Variants in TRABD2B observed in about 807,000 individuals in gnomAD.
TRABD2B encodes metalloprotease TIKI2.
Under a neutral mutation model 40.1 loss-of-function variants are expected in TRABD2B, and 14 were observed. That is an observed-to-expected ratio of 0.35 (90% CI 0.23 to 0.55). The LOEUF (loss-of-function observed/expected upper bound fraction) is 0.55, where lower values mean the gene tolerates loss of function less well. TRABD2B is among the 20% of genes least tolerant of loss of function. The pLI is 0.90. For synonymous variants in TRABD2B, 263 were observed against 277.0 expected (o/e 0.95, Z 0.50); for missense variants, 541 against 648.6 (o/e 0.83, Z 1.80).
intron 2 of TRABD2B, among the ~76,000 whole-genome samples, chr1:47,875,674 C>CAAAAA (rs10541556): frequency 5.9e-4 from 45 of 75,926 alleles, no homozygotes; most frequent in African/African-American, 1.9e-3. Flanking sequence ...AACCCTGTCT[C>CAAAAA]AAAAAAAAAA....
Position 47,978,847 on chromosome 1 carries a change from G to A in TRABD2B, c.666+15187C>T, listed in dbSNP as rs975855786. Among the ~76,000 whole-genome samples the A allele has an allele frequency of 5.3e-5, 8 of 152,274 alleles. No homozygotes were observed. The Middle Eastern group carries it at 0.014, about 259-fold the overall frequency. Reference sequence around the variant, plus strand: ...TTCATTTATATTGTGTGAGGATCACGGAATGACCAGCAAACAGAAGCTCTG... The same window carrying A: ...TTCATTTATATTGTGTGAGGATCACAGAATGACCAGCAAACAGAAGCTCTG... On this transcript the variant is annotated intron_variant, in intron 2 of 6. Coordinates refer to ENST00000606738, the MANE Select transcript of TRABD2B (RefSeq NM_001194986.2).
chr1:47,894,152 G>C (rs1178297369), intron 2 of TRABD2B, among the ~76,000 whole-genome samples: 1 of 152,156 alleles, frequency 6.6e-6, no homozygotes, highest in Non-Finnish European at 1.5e-5. Context: ...GTGTGGGTGG[G>C]GGTGTTGCGG....
Position 47,966,730 on chromosome 1 carries a change from C to T in TRABD2B, c.666+27304G>A, listed in dbSNP as rs919537828. 1.6e-4 allele frequency among the ~76,000 whole-genome samples: 25 copies of T among 152,020 alleles called. No individual in the cohort carries two copies. In the South Asian group the frequency reaches 1.9e-3, roughly 11 times the overall value. ...GACCACCCTGGCCAACATGGTGAAA[C>T]CCCATCTCTACTGAAAATATAAAAA... On this transcript the variant is annotated intron_variant, in intron 2 of 6. Coordinates refer to ENST00000606738, the MANE Select transcript of TRABD2B (RefSeq NM_001194986.2).
chr1:47,943,975 A>T (rs1645224289), intron 2 of TRABD2B, among the ~76,000 whole-genome samples: 1 of 152,242 alleles, frequency 6.6e-6, no homozygotes, highest in South Asian at 2.1e-4. Flanking sequence ...TCTGAGATTC[A>T]GCCAGACACT....
Position 47,879,558 on chromosome 1 carries a change from C to T in TRABD2B, c.667-77939G>A, listed in dbSNP as rs140133118. ...GGTACAACTATGAAATCATCTAACG[C>T]GTATGCGTGTCATTAAGTCATGCAT... On this transcript the variant is annotated intron_variant, in intron 2 of 6. Coordinates refer to ENST00000606738, the MANE Select transcript of TRABD2B (RefSeq NM_001194986.2). Among the ~76,000 whole-genome samples the T allele has an allele frequency of 7.4e-4, 112 of 152,298 alleles. 1 individual carries two copies. Among genetic ancestry groups the T allele is most frequent in the African/African-American group, 2.5e-3 (102 of 41,548 alleles).
At chr1:47,810,584 A>G (rs940610339) in intron 2 of TRABD2B, among the ~76,000 whole-genome samples, 9 of 152,228 alleles carry the variant, frequency 5.9e-5, no homozygotes, top group African/African-American at 1.7e-4. Flanking sequence ...TGTGTTAGGC[A>G]GGGACCCAAC....
chr1:47,832,305 C>A (rs1645261177), intron 2 of TRABD2B, among the ~76,000 whole-genome samples: 1 of 151,966 alleles, frequency 6.6e-6, no homozygotes, highest in Non-Finnish European at 1.5e-5. Context: ...TGCACTCCAG[C>A]CTGGGCAACA....
intron 2 of TRABD2B, among the ~76,000 whole-genome samples, chr1:47,978,775 C>T (rs1434636047): frequency 5.3e-5 from 8 of 152,190 alleles, no homozygotes; most frequent in Admixed American, 1.3e-4. Context: ...GTCCTCGCTC[C>T]TCCCCGGTGC....
chr1:47,794,682 C>G lies in TRABD2B; in HGVS notation c.892G>C (p.Glu298Gln). ...AQEIDSYFRQ[E>Q]LIYKRNERMG... ...CGCTCATTCCTCTTGTAGATGAGCT[C>G]CTGGCGGAAGTAGCTGTCAATCTCC... The change falls in exon 4 of 7, where the codon GAG becomes CAG. Residue 298 changes from glutamate to glutamine, a missense_variant. By Grantham distance (29) the Glu-to-Gln change is conservative. Transcript: ENST00000606738. 3 of 1,536,566 alleles carry G rather than the reference C, an allele frequency of 2.0e-6. No individual in the cohort carries two copies. The highest frequency in any genetic ancestry group is 1.4e-5 in the African/African-American group (1 of 73,140).
intron 2 of TRABD2B, among the ~76,000 whole-genome samples, chr1:47,828,960 T>C (rs2124441320): frequency 1.3e-5 from 2 of 152,306 alleles, no homozygotes; most frequent in Middle Eastern, 3.4e-3. Context: ...TGCGTCTGCA[T>C]CGGCCAATGC....
In TRABD2B at chr1:47,990,820, TATATATATATATATAA is replaced by T. The variant is rs1645998631; in HGVS notation, c.666+3198_666+3213del. ...ATATATATATATATATATATATATA[TATATATATATATATAA>T]AACGTTGGTTTTAGTGTTGAGGCTG... On this transcript the variant is annotated intron_variant, in intron 2 of 6. Coordinates refer to ENST00000606738, the MANE Select transcript of TRABD2B (RefSeq NM_001194986.2). Among the ~76,000 whole-genome samples the T allele has an allele frequency of 1.0e-4, 8 of 77,898 alleles. 1 individual carries two copies. Among genetic ancestry groups the T allele is most frequent in the Admixed American group, 7.8e-4 (5 of 6,416 alleles). The allele number at this position is 77,898 out of a possible 152,430, so 51.1% of individuals were successfully genotyped here. A position where few individuals can be genotyped will look rare whatever the true frequency, so the allele number is the denominator to read the frequency against.
Position 47,994,321 on chromosome 1 carries a change from A to T in TRABD2B, c.379T>A (p.Tyr127Asn). 6.5e-7 allele frequency: 1 copy of T among 1,536,296 alleles called. No homozygotes were observed. Among genetic ancestry groups the T allele is most frequent in the Non-Finnish European group, 8.7e-7 (1 of 1,146,944 alleles). The change falls in exon 2 of 7, where the codon TAC becomes AAC. Residue 127 changes from tyrosine (Y) to asparagine (N), a missense_variant. Transcript: ENST00000606738. The surrounding 1 kb of genome is among the most constrained non-coding windows in gnomAD (Gnocchi z 6.7). ...CAGGAGGGCATCATCAACTTCACGT[A>T]GTCCAGGTGGCGCTTCAAGCGCCAG... ...LYWRLKRHLDYVKLMMPSWMT... is the reference protein window; with the variant it reads ...LYWRLKRHLDNVKLMMPSWMT...
chr1:47,769,559 C>G (rs1644352263), intron 6 of TRABD2B, among the ~76,000 whole-genome samples: 1 of 152,232 alleles, frequency 6.6e-6, no homozygotes, highest in South Asian at 2.1e-4. Flanking sequence ...CAGCCCACCT[C>G]CTGGGCCTGA....
At chr1:47,978,550 C>G (rs1414149504) in intron 2 of TRABD2B, among the ~76,000 whole-genome samples, 1 of 152,100 alleles carries the variant, frequency 6.6e-6, no homozygotes, top group Non-Finnish European at 1.5e-5. Flanking sequence ...CTGGCATTCC[C>G]AAAGATGAAA....
At chr1:47,888,232 A>G (rs1557637897) in intron 2 of TRABD2B, among the ~76,000 whole-genome samples, 1 of 152,250 alleles carries the variant, frequency 6.6e-6, no homozygotes, top group East Asian at 1.9e-4. Flanking sequence ...GGCAGCCTCC[A>G]GCAGCAAAGC....
At chr1:47,990,859 C>T (rs1177265206) in intron 2 of TRABD2B, among the ~76,000 whole-genome samples, 1 of 122,790 alleles carries the variant, frequency 8.1e-6, no homozygotes, top group Non-Finnish European at 1.6e-5. Flanking sequence ...AGTGTTGAGG[C>T]TGGGACTGAC....
chr1:47,953,956 C>T (rs940272530), intron 2 of TRABD2B, among the ~76,000 whole-genome samples: 1 of 152,186 alleles, frequency 6.6e-6, no homozygotes, highest in Non-Finnish European at 1.5e-5. Flanking sequence ...GAGTGGCCGA[C>T]TCTTTTTCTT....
intron 4 of TRABD2B, among the ~76,000 whole-genome samples, chr1:47,787,220 C>T (rs1386131796): frequency 6.6e-6 from 1 of 152,136 alleles, no homozygotes; most frequent in Non-Finnish European, 1.5e-5. Context: ...AACTGGTTTT[C>T]ACCTCCTCCA....
intron 2 of TRABD2B, among the ~76,000 whole-genome samples, chr1:47,938,482 GA>G (rs1267421219): frequency 6.6e-6 from 1 of 152,232 alleles, no homozygotes; most frequent in African/African-American, 2.4e-5. Flanking sequence ...AGCAGTGGTA[GA>G]AGGCATCTGC....
Sources: allele counts gnomAD v4.1 joint callset (sites outside exome capture counted in the v4.1 genomes callset), GRCh38; gene constraint gnomAD v4.1.1; non-coding constraint Gnocchi (gnomAD v3.1); transcripts MANE v1.5; gene names NCBI Gene and HGNC (gene_info 2026-07-23, HGNC 2026-07-21).